Variants in MARCO observed in about 807,000 individuals in gnomAD.
The protein encoded by MARCO is macrophage receptor MARCO.
A neutral mutation model predicts 70.0 loss-of-function variants in MARCO; 72 were observed. The ratio of observed to expected loss-of-function variants is 1.03; its 90% CI spans 0.85 to 1.25. The LOEUF is 1.25. Among genes scored for constraint, MARCO ranks in the 50% most tolerant of loss-of-function variants. The probability of loss-of-function intolerance (pLI) is 0.00; values close to 1 mark genes in which losing one functional copy is unlikely to be tolerated. For synonymous variants in MARCO, 273 were observed against 243.1 expected (o/e 1.12, Z -1.14); for missense variants, 696 against 659.3 (o/e 1.06, Z -0.61).
intron 1 of MARCO, among the ~76,000 whole-genome samples, chr2:118,958,778 A>G (rs1047966982): frequency 7.9e-5 from 12 of 152,236 alleles, no homozygotes; most frequent in African/African-American, 2.9e-4. Flanking sequence ...CACAGTCACC[A>G]AAACAGTGTG....
intron 6 of MARCO, among the ~76,000 whole-genome samples, chr2:118,975,533 T>C (rs780544386): frequency 6.6e-6 from 1 of 152,160 alleles, no homozygotes; most frequent in Non-Finnish European, 1.5e-5. Context: ...TTGATCTGTG[T>C]CCAGCAGGGG....
chr2:118,963,755 C>G (rs1223546262), intron 1 of MARCO, among the ~76,000 whole-genome samples: 1 of 151,902 alleles, frequency 6.6e-6, no homozygotes, highest in African/African-American at 2.4e-5. Context: ...TTTTGAAGTT[C>G]TATTGTTTGA....
At chr2:118,956,252 C>G (rs1679835544) in intron 1 of MARCO, among the ~76,000 whole-genome samples, 1 of 152,076 alleles carries the variant, frequency 6.6e-6, no homozygotes, top group Non-Finnish European at 1.5e-5. Flanking sequence ...GGAGACTCAC[C>G]TAACACATAA....
chr2:118,973,788 C>A lies in MARCO; in HGVS notation c.461-545C>A, dbSNP rs149884337. 2.7e-3 allele frequency among the ~76,000 whole-genome samples: 414 copies of A among 152,266 alleles called. 1 individual carries two copies. Among genetic ancestry groups the A allele is most frequent in the African/African-American group, 9.4e-3 (390 of 41,548 alleles). ...AGCCAAGCTTCAGGGAAGGGGATTG[C>A]GAAACCCACTTGCCTCTCTGTTTCT... On this transcript the variant is annotated intron_variant, in intron 4 of 16. Transcript: ENST00000327097.
intron 16 of MARCO, among the ~76,000 whole-genome samples, chr2:118,994,071 G>A (rs1338572364): frequency 1.3e-5 from 2 of 152,194 alleles, no homozygotes; most frequent in African/African-American, 4.8e-5. Context: ...AATTTGCAGG[G>A]AGGAAACTAA....
chr2:118,987,015 A>T (rs1370567939), intron 12 of MARCO, among the ~76,000 whole-genome samples: 2 of 152,168 alleles, frequency 1.3e-5, no homozygotes, highest in African/African-American at 4.8e-5. Context: ...CTGGGTTTGA[A>T]ATAGGCAGCT....
rs1680670984 is a variant in MARCO at position 118,993,842 on chromosome 2, C to T, written c.1429+542C>T. Among the ~76,000 whole-genome samples, 2 of 152,212 alleles carry T rather than the reference C, an allele frequency of 1.3e-5. 1 individual carries two copies. Among genetic ancestry groups the T allele is most frequent in the South Asian group, 4.1e-4 (2 of 4,836 alleles). Reference sequence around the variant, plus strand: ...TGCTGGAGACTCAGCCTATATCTTTCAGCCAAAAGTTCAAGCCTTGAGCAA... The same window carrying T: ...TGCTGGAGACTCAGCCTATATCTTTTAGCCAAAAGTTCAAGCCTTGAGCAA... On this transcript the variant is annotated intron_variant, in intron 16 of 16. Coordinates refer to ENST00000327097, the MANE Select transcript of MARCO (RefSeq NM_006770.4).
chr2:118,946,968 T>G (rs556997342), intron 1 of MARCO, among the ~76,000 whole-genome samples: 4 of 152,366 alleles, frequency 2.6e-5, no homozygotes, highest in African/African-American at 9.6e-5. Context: ...GCCTCTTCAG[T>G]GAAATGTCTC....
chr2:118,974,521 GC>G lies in MARCO; in HGVS notation c.573del (p.Ser192ArgfsTer72). ...KGAMGRDGAT[G>X]PSGPQGPPGV... The stretch of plus-strand genomic sequence containing the variant: ...ACTCTGAATTCCCTTTCCCTTCCAG[GC>G]CCCTCGGGACCCCAAGGCCCACCGG... On this transcript the variant is annotated frameshift_variant and splice_region_variant, in exon 6 of 17. Transcript: ENST00000327097. LOFTEE classifies it high-confidence loss of function. 1 of 1,613,880 alleles carries G rather than the reference GC, an allele frequency of 6.2e-7. No individual in the cohort carries two copies.
intron 8 of MARCO, among the ~76,000 whole-genome samples, chr2:118,980,953 C>G (rs1039864603): frequency 6.6e-6 from 1 of 152,228 alleles, no homozygotes; most frequent in Non-Finnish European, 1.5e-5. Context: ...AAGCCCATGT[C>G]TGAAGTGCTG....
At chr2:118,990,025 A>ATC (rs1162227171) in intron 12 of MARCO, among the ~76,000 whole-genome samples, 4 of 152,214 alleles carry the variant, frequency 2.6e-5, no homozygotes, top group Non-Finnish European at 5.9e-5. Flanking sequence ...ATTAACTACA[A>ATC]TAGGATCATC....
chr2:118,990,568 CCT>C lies in MARCO; in HGVS notation c.1064-20_1064-19del. The C allele has an allele frequency of 1.3e-6, 2 of 1,583,646 alleles. No homozygotes were observed. Among genetic ancestry groups the C allele is most frequent in the African/African-American group, 1.3e-5 (1 of 74,230 alleles). On this transcript the variant is annotated intron_variant, in intron 12 of 16. Transcript: ENST00000327097. ...AAGTTTTATTATCTCCTCCCCCCCC[CCT>C]TTTTTGTTTTGATCTTAGGACTTCA...
At chr2:118,973,422 C>G (rs564696691) in intron 4 of MARCO, among the ~76,000 whole-genome samples, 105 of 152,212 alleles carry the variant, frequency 6.9e-4, no homozygotes, top group Middle Eastern at 3.4e-3. Context: ...CCCACTCTTT[C>G]TTTTTGTGCC....
chr2:118,946,577 G>T (rs1679605523), intron 1 of MARCO, among the ~76,000 whole-genome samples: 1 of 152,124 alleles, frequency 6.6e-6, no homozygotes, highest in African/African-American at 2.4e-5. Context: ...CCCACTGAAG[G>T]ACATTTGGGT....
At chr2:118,988,373 T>C (rs1680555668) in intron 12 of MARCO, among the ~76,000 whole-genome samples, 1 of 151,930 alleles carries the variant, frequency 6.6e-6, no homozygotes, top group African/African-American at 2.4e-5. Context: ...TAAAGGGTGG[T>C]CACAGTGTTT....
rs776554270 is a variant in MARCO at position 118,986,746 on chromosome 2, AAG to A, written c.1064-3839_1064-3838del. On this transcript the variant is annotated intron_variant, in intron 12 of 16. Transcript: ENST00000327097. ...GAAAAGAAAGAAAGAAAGAGAAAGAAAGAGAAAGAAAGAAGAAAGAAAGAAAA... is the reference window on the plus strand; with the variant it reads ...GAAAAGAAAGAAAGAAAGAGAAAGAAAGAAAGAAAGAAGAAAGAAAGAAAA... Among the ~76,000 whole-genome samples the A allele has an allele frequency of 5.8e-4, 88 of 150,986 alleles. 14 individuals carry two copies. The highest frequency in any genetic ancestry group is 1.7e-3 in the African/African-American group (70 of 40,926).
At chr2:118,971,555 A>T (rs1249903774) in intron 4 of MARCO, 21 bp downstream of exon 4, 4 of 1,612,406 alleles carry the variant, frequency 2.5e-6, no homozygotes, top group Non-Finnish European at 1.7e-6. Context: ...TTCCACTCAC[A>T]CCCACCCTGC....
rs1480652199 is a variant in MARCO, at chr2:118,977,638, C to A, written c.658+123C>A. On this transcript the variant is annotated intron_variant, in intron 7 of 16. Coordinates refer to ENST00000327097, the MANE Select transcript of MARCO (RefSeq NM_006770.4). ...CAGCCCCTGACAGTTACTGCCCACC[C>A]TACAGTCCTCTTCTCTTGAGTCCTG... is the stretch of plus-strand genomic sequence containing the variant. 12 of 885,210 alleles carry A rather than the reference C, an allele frequency of 1.4e-5. No homozygotes were observed. In the South Asian group the frequency reaches 1.7e-4, roughly 12 times the overall value. The allele number at this position is 885,210 out of a possible 1,614,324, so 54.8% of individuals were successfully genotyped here.
Position 118,993,151 on chromosome 2 carries a change from T to C in MARCO, c.1280T>C (p.Val427Ala). ...GAAAACTCAGTGTCCGTCAGGATTG[T>C]CGGCAGTAGTAACCGAGGCCGGGCT... ...RGENSVSVRI[V>A]GSSNRGRAEV... Residue 427 changes from valine to alanine, a missense_variant, in exon 16 of 17, where the codon GTC becomes GCC. Around this residue, in one of 3 missense-constraint regions of MARCO, gnomAD observed 605 missense variants for 537.6 expected, o/e 1.13. Coordinates refer to ENST00000327097, the MANE Select transcript of MARCO (RefSeq NM_006770.4). 1 of 1,614,244 alleles carries C rather than the reference T, an allele frequency of 6.2e-7. No individual in the cohort carries two copies.
Sources: allele counts gnomAD v4.1 joint callset (sites outside exome capture counted in the v4.1 genomes callset), GRCh38; gene constraint gnomAD v4.1.1; regional missense constraint gnomAD v4.1.1; transcripts MANE v1.5; gene names NCBI Gene and HGNC (gene_info 2026-07-23, HGNC 2026-07-21).